PRELID2: variants seen among roughly 807,000 people sequenced by gnomAD.
PRELID2 encodes the protein PRELI domain containing 2.
Under a neutral mutation model 28.4 loss-of-function variants are expected in PRELID2, and 25 were observed. The ratio of observed to expected loss-of-function variants is 0.88; its 90% CI spans 0.64 to 1.23. The LOEUF (loss-of-function observed/expected upper bound fraction) is 1.23, where lower values mean the gene tolerates loss of function less well. PRELID2 is among the 50% of genes most tolerant of loss of function. The pLI is 0.00. For missense variants in PRELID2, 201 were observed against 214.4 expected (o/e 0.94, Z 0.39); for synonymous variants, 76 against 71.6 (o/e 1.06, Z -0.31).
At chr5:145,390,233 A>C in the PRELID2 span, among the ~76,000 whole-genome samples, 2 of 152,212 alleles carry the variant, frequency 1.3e-5, no homozygotes, top group African/African-American at 4.8e-5. Context: ...GATTAATAGA[A>C]GTTTCAGACC....
chr5:145,368,441 G>A, the PRELID2 span, among the ~76,000 whole-genome samples: 1 of 151,848 alleles, frequency 6.6e-6, no homozygotes, highest in East Asian at 1.9e-4. Flanking sequence ...CCAAACTGAT[G>A]CATTTAAGCC....
At chr5:145,556,177 C>CAAAAAAA (rs1231402100) in intron 1 of PRELID2, among the ~76,000 whole-genome samples, 1 of 61,210 alleles carries the variant, frequency 1.6e-5, no homozygotes, top group Non-Finnish European at 3.6e-5. Flanking sequence ...GACTCTATCT[C>CAAAAAAA]AAAAAAAAAA....
chr5:145,525,416 T>A (rs1752598658), intron 1 of PRELID2, among the ~76,000 whole-genome samples: 1 of 152,198 alleles, frequency 6.6e-6, no homozygotes, highest in East Asian at 1.9e-4. Context: ...ATCGCCTTTT[T>A]AAATTTCTAA....
chr5:145,433,630 C>T, the PRELID2 span, among the ~76,000 whole-genome samples: 1 of 152,156 alleles, frequency 6.6e-6, no homozygotes, highest in African/African-American at 2.4e-5. Flanking sequence ...GTACCCTCTC[C>T]TCAGAGGTCT....
intron 1 of PRELID2, among the ~76,000 whole-genome samples, chr5:145,595,411 G>T (rs1238592494): frequency 6.6e-6 from 1 of 152,054 alleles, no homozygotes; most frequent in African/African-American, 2.4e-5. Context: ...CCAAATCAAA[G>T]AGCTCAAAAT....
intron 1 of PRELID2, among the ~76,000 whole-genome samples, chr5:145,703,053 C>A (rs1190999971): frequency 6.6e-6 from 1 of 152,162 alleles, no homozygotes; most frequent in African/African-American, 2.4e-5. Context: ...AAGCTGGGTC[C>A]AAGTTGGAAG....
At chr5:145,667,589 A>T (rs1754619237) in intron 1 of PRELID2, among the ~76,000 whole-genome samples, 1 of 152,078 alleles carries the variant, frequency 6.6e-6, no homozygotes, top group Non-Finnish European at 1.5e-5. Context: ...ACTGTAGTTC[A>T]TGCTTTTGAC....
chr5:145,602,060 C>T (rs917186420), intron 1 of PRELID2, among the ~76,000 whole-genome samples: 3 of 152,132 alleles, frequency 2.0e-5, no homozygotes, highest in Non-Finnish European at 4.4e-5. Context: ...TCTGGCACTG[C>T]GGACCTGTCA....
At chr5:145,562,274 G>A (rs2126694136) in intron 1 of PRELID2, among the ~76,000 whole-genome samples, 1 of 152,304 alleles carries the variant, frequency 6.6e-6, no homozygotes, top group East Asian at 1.9e-4. Flanking sequence ...AATGATGGCA[G>A]TCTTTTACAA....
downstream of PRELID2, among the ~76,000 whole-genome samples, chr5:145,467,472 C>G (rs1266922171): frequency 6.6e-6 from 1 of 152,056 alleles, no homozygotes; most frequent in Non-Finnish European, 1.5e-5. Flanking sequence ...GATTCTAGAC[C>G]TAAAGTATAT....
the PRELID2 span, among the ~76,000 whole-genome samples, chr5:145,363,449 T>C: frequency 6.6e-6 from 1 of 152,006 alleles, no homozygotes; most frequent in Admixed American, 6.6e-5. Flanking sequence ...ATAGTAAAAC[T>C]CTTAAGTCCT....
intron 1 of PRELID2, among the ~76,000 whole-genome samples, chr5:145,640,627 G>A (rs1340618993): frequency 6.8e-6 from 1 of 146,156 alleles, no homozygotes; most frequent in Admixed American, 6.8e-5. Flanking sequence ...CTGGGCTACA[G>A]AGCGAGACTC....
At chr5:145,381,852 A>C in the PRELID2 span, among the ~76,000 whole-genome samples, 2 of 152,146 alleles carry the variant, frequency 1.3e-5, no homozygotes, top group African/African-American at 2.4e-5. Context: ...AGTATCATCT[A>C]CTGTGTTCAT....
At chr5:145,293,438 C>G in the PRELID2 span, among the ~76,000 whole-genome samples, 2 of 152,092 alleles carry the variant, frequency 1.3e-5, no homozygotes, top group African/African-American at 4.8e-5. Context: ...TAGATAGTAG[C>G]TACATATGCT....
the PRELID2 span, among the ~76,000 whole-genome samples, chr5:145,260,162 C>T: frequency 6.6e-6 from 1 of 152,124 alleles, no homozygotes; most frequent in African/African-American, 2.4e-5. Flanking sequence ...GACACCTTTC[C>T]AGAAGCAGAT....
At chr5:145,461,045 G>C in the PRELID2 span, among the ~76,000 whole-genome samples, 1 of 152,132 alleles carries the variant, frequency 6.6e-6, no homozygotes, top group Non-Finnish European at 1.5e-5. Flanking sequence ...ATAACGGATG[G>C]AGATAATGAG....
the PRELID2 span, among the ~76,000 whole-genome samples, chr5:145,280,794 T>C: frequency 9.0e-5 from 8 of 89,006 alleles, no homozygotes; most frequent in African/African-American, 2.8e-4. Context: ...GTGGTGCAGA[T>C]TGATTCATGA....
rs376985158 is a variant in PRELID2, at chr5:145,542,783, T to TTCTG, written n.71-69472_71-69469dup. 3.5e-5 allele frequency among the ~76,000 whole-genome samples: 4 copies of TTCTG among 114,562 alleles called. 1 individual carries two copies. The highest frequency in any genetic ancestry group is 8.5e-5 in the Admixed American group (1 of 11,786). The allele number at this position is 114,562 out of a possible 152,430, so 75.2% of individuals were successfully genotyped here. A position where few individuals can be genotyped will look rare whatever the true frequency, so the allele number is the denominator to read the frequency against. ...TTTCTTTCTTTCTTTCTTTCTTTCT[T>TTCTG]TCTGTCTTTTTCTCTTTTCTTTTAC... On this transcript the variant is annotated intron_variant and non_coding_transcript_variant, in intron 1 of 2. Coordinates refer to the PRELID2 transcript ENST00000510259.
At chr5:145,252,094 C>T in the PRELID2 span, among the ~76,000 whole-genome samples, 1 of 152,138 alleles carries the variant, frequency 6.6e-6, no homozygotes, top group Non-Finnish European at 1.5e-5. Context: ...GTTTGTTACT[C>T]AAAATCTGGC....
Sources: allele counts gnomAD v4.1 joint callset (sites outside exome capture counted in the v4.1 genomes callset), GRCh38; gene constraint gnomAD v4.1.1; transcripts MANE v1.5; gene names NCBI Gene and HGNC (gene_info 2026-07-23, HGNC 2026-07-21).